C1QTNF3: variants seen among roughly 807,000 people sequenced by gnomAD.
C1QTNF3 encodes the protein complement C1q tumor necrosis factor-related protein 3.
Under a neutral mutation model 32.6 loss-of-function variants are expected in C1QTNF3, and 26 were observed. The observed-to-expected ratio is 0.80, with a 90% CI of 0.58 to 1.11. The LOEUF is 1.11. C1QTNF3 is among the 50% of genes least tolerant of loss of function. C1QTNF3 has a pLI of 0.00. For missense variants in C1QTNF3, 362 were observed against 398.2 expected, an observed-to-expected ratio of 0.91 and a Z score of 0.77; for synonymous variants, 155 against 146.0, an observed-to-expected ratio of 1.06 and a Z score of -0.44.
chr5:34,078,997 C>T, the C1QTNF3 span, among the ~76,000 whole-genome samples: 9 of 151,698 alleles, frequency 5.9e-5, no homozygotes, highest in East Asian at 1.5e-3. The surrounding 1 kb of genome is among the most constrained non-coding windows in gnomAD (Gnocchi z 4.0). Flanking sequence ...TTTTCACACT[C>T]TAACAACACT....
chr5:34,203,469 C>T, the C1QTNF3 span, among the ~76,000 whole-genome samples: 19 of 152,238 alleles, frequency 1.2e-4, 1 homozygote, highest in East Asian at 3.9e-4. Context: ...GGGTGGACCA[C>T]GAGGTCAGGA....
At chr5:34,038,105 C>T (rs1170129568) in intron 1 of C1QTNF3, among the ~76,000 whole-genome samples, 4 of 152,152 alleles carry the variant, frequency 2.6e-5, no homozygotes, top group East Asian at 1.9e-4. Flanking sequence ...TTAGAGAAGT[C>T]GCTGTTCTCC....
the C1QTNF3 span, chr5:34,175,687 A>T: frequency 4.8e-6 from 3 of 625,330 alleles, no homozygotes; most frequent in East Asian, 8.3e-5. Flanking sequence ...GAAATTCTCA[A>T]CACAACCTAC....
chr5:34,243,811 G>C, the C1QTNF3 span, among the ~76,000 whole-genome samples: 1 of 151,750 alleles, frequency 6.6e-6, no homozygotes, highest in East Asian at 1.9e-4. Context: ...TGCAGGCTAT[G>C]GGGGTGGGGG....
chr5:34,127,665 G>A, the C1QTNF3 span, among the ~76,000 whole-genome samples: 1 of 150,268 alleles, frequency 6.7e-6, no homozygotes, highest in African/African-American at 2.5e-5. Context: ...TTGGCTCACT[G>A]CAACCTCTAG....
At chr5:34,214,935 G>A in the C1QTNF3 span, among the ~76,000 whole-genome samples, 6 of 152,182 alleles carry the variant, frequency 3.9e-5, no homozygotes, top group Admixed American at 6.5e-5. Flanking sequence ...AACCTTTAGA[G>A]TTTAGAATCA....
the C1QTNF3 span, among the ~76,000 whole-genome samples, chr5:34,050,573 T>C: frequency 4.6e-5 from 7 of 152,342 alleles, no homozygotes; most frequent in East Asian, 9.6e-4. Flanking sequence ...AGTATATTTA[T>C]TGTTCCTTAG....
At chr5:34,171,788 G>C in the C1QTNF3 span, among the ~76,000 whole-genome samples, 1 of 152,122 alleles carries the variant, frequency 6.6e-6, no homozygotes, top group African/African-American at 2.4e-5. Context: ...AAAAACTAAA[G>C]TATTTGTGAG....
chr5:34,047,682 G>A (rs1032345344), upstream of C1QTNF3, among the ~76,000 whole-genome samples: 1 of 152,150 alleles, frequency 6.6e-6, no homozygotes, highest in East Asian at 1.9e-4. Flanking sequence ...TAGTCTCTTT[G>A]ATTTAAACCA....
the C1QTNF3 span, among the ~76,000 whole-genome samples, chr5:34,197,829 G>T: frequency 1.3e-5 from 2 of 152,080 alleles, no homozygotes; most frequent in South Asian, 2.1e-4. Flanking sequence ...CAAAATCAAG[G>T]TGCTTGAGGA....
At chr5:34,162,601 A>G in the C1QTNF3 span, among the ~76,000 whole-genome samples, 1 of 152,114 alleles carries the variant, frequency 6.6e-6, no homozygotes, top group African/African-American at 2.4e-5. Context: ...GAATTCCTCT[A>G]TTGTTTTTAT....
At chr5:34,058,792 C>T in the C1QTNF3 span, among the ~76,000 whole-genome samples, 1 of 152,190 alleles carries the variant, frequency 6.6e-6, no homozygotes, top group African/African-American at 2.4e-5. Flanking sequence ...TGTCATTCTG[C>T]ATTGATGCAC....
rs964264004 is a variant in C1QTNF3 at position 34,019,910 on chromosome 5, C to G, written c.*673G>C. ...TTTATGACATTTGTTAATAGTGAAC[C>G]TCAACCTCCTGACCCCACATCCGAA... On this transcript the variant is annotated 3_prime_UTR_variant, in exon 6 of 6. Coordinates refer to ENST00000382065, the MANE Select transcript of C1QTNF3 (RefSeq NM_181435.6). 1 of 152,290 alleles carries G rather than the reference C, an allele frequency of 6.6e-6. No homozygotes were observed. The highest frequency in any genetic ancestry group is 1.5e-5 in the Non-Finnish European group (1 of 68,122). 9.4% of individuals were successfully genotyped at this position (152,290 alleles called of 1,614,324 possible).
chr5:34,089,389 C>G, the C1QTNF3 span, among the ~76,000 whole-genome samples: 1 of 151,908 alleles, frequency 6.6e-6, no homozygotes, highest in Admixed American at 6.6e-5. Context: ...GGATGTGAGG[C>G]CTTTGAGAAG....
the C1QTNF3 span, among the ~76,000 whole-genome samples, chr5:34,217,606 C>T: frequency 3.8e-4 from 58 of 152,196 alleles, no homozygotes; most frequent in Admixed American, 3.3e-3. Flanking sequence ...AAGTTTCACA[C>T]GGCTTATGTT....
chr5:34,223,472 A>C, the C1QTNF3 span, among the ~76,000 whole-genome samples: 1 of 149,916 alleles, frequency 6.7e-6, no homozygotes, highest in Non-Finnish European at 1.5e-5. Flanking sequence ...TAGTGCCGCA[A>C]TAAACATACG....
the C1QTNF3 span, among the ~76,000 whole-genome samples, chr5:34,148,048 C>A: frequency 2.6e-5 from 4 of 151,848 alleles, no homozygotes; most frequent in African/African-American, 7.3e-5. Flanking sequence ...ACCTGGGAAG[C>A]GCAAGGGGTC....
the C1QTNF3 span, among the ~76,000 whole-genome samples, chr5:34,161,006 T>A: frequency 6.6e-6 from 1 of 152,172 alleles, no homozygotes; most frequent in Non-Finnish European, 1.5e-5. Context: ...TTTAAGACAG[T>A]GATTCATATG....
chr5:34,223,330 C>G, the C1QTNF3 span, among the ~76,000 whole-genome samples: 2 of 151,014 alleles, frequency 1.3e-5, no homozygotes, highest in Non-Finnish European at 2.9e-5. Flanking sequence ...TCATCCATGT[C>G]CCTACAAAGG....
Sources: allele counts gnomAD v4.1 joint callset (sites outside exome capture counted in the v4.1 genomes callset), GRCh38; gene constraint gnomAD v4.1.1; non-coding constraint Gnocchi (gnomAD v3.1); transcripts MANE v1.5; gene names NCBI Gene and HGNC (gene_info 2026-07-23, HGNC 2026-07-21).